Variants in TARP observed in about 807,000 individuals in gnomAD.
the TARP span, among the ~76,000 whole-genome samples, chr7:38,268,116 T>C: frequency 6.6e-6 from 1 of 151,654 alleles, no homozygotes; most frequent in South Asian, 2.1e-4. Flanking sequence ...ATACTACTTT[T>C]AAAATGTACA....
the TARP span, among the ~76,000 whole-genome samples, chr7:38,269,006 A>G: frequency 6.6e-6 from 1 of 151,618 alleles, no homozygotes; most frequent in South Asian, 2.1e-4. Flanking sequence ...CTGTTATCCC[A>G]TTTTATGGAT....
chr7:38,264,378 G>A, the TARP span, among the ~76,000 whole-genome samples: 1 of 151,494 alleles, frequency 6.6e-6, no homozygotes, highest in Non-Finnish European at 1.5e-5. Flanking sequence ...ATCACTTGAG[G>A]TCAGGAATTT....
chr7:38,271,819 A>G, the TARP span, among the ~76,000 whole-genome samples: 5 of 151,212 alleles, frequency 3.3e-5, no homozygotes, highest in Admixed American at 3.3e-4. Flanking sequence ...TCAAAACAAA[A>G]GTTTTAATGA....
the TARP span, among the ~76,000 whole-genome samples, chr7:38,264,073 G>C: frequency 5.9e-5 from 9 of 151,778 alleles, no homozygotes; most frequent in African/African-American, 2.2e-4. Context: ...TGTATCCTGA[G>C]TTCTCTCTCT....
the TARP span, among the ~76,000 whole-genome samples, chr7:38,273,251 T>C: frequency 6.0e-5 from 9 of 151,224 alleles, no homozygotes; most frequent in Admixed American, 1.3e-4. Context: ...TTTTACTTTT[T>C]TTTTTTTTAA....
chr7:38,267,550 C>T, the TARP span, among the ~76,000 whole-genome samples: 2 of 150,490 alleles, frequency 1.3e-5, no homozygotes, highest in Non-Finnish European at 3.0e-5. Flanking sequence ...GATTTTCATA[C>T]AAAATTAGTA....
At chr7:38,260,659 G>C in the TARP span, among the ~76,000 whole-genome samples, 1 of 151,776 alleles carries the variant, frequency 6.6e-6, no homozygotes, top group African/African-American at 2.4e-5. Flanking sequence ...AAAGACAGTG[G>C]GGGTGGACCA....
the TARP span, among the ~76,000 whole-genome samples, chr7:38,272,453 T>G: frequency 6.9e-6 from 1 of 144,272 alleles, no homozygotes. Context: ...AAAAGAATGT[T>G]TATGAAGCAG....
chr7:38,273,599 G>T, the TARP span: 1 of 1,597,816 alleles, frequency 6.3e-7, no homozygotes, highest in Non-Finnish European at 8.5e-7. Flanking sequence ...GTAATGATAA[G>T]CTTTGTTCCG....
the TARP span, among the ~76,000 whole-genome samples, chr7:38,269,326 G>A: frequency 5.3e-5 from 8 of 151,892 alleles, no homozygotes; most frequent in South Asian, 1.2e-3. Flanking sequence ...TGTTATCTAT[G>A]TTCTCTTTTA....
chr7:38,262,131 A>C, the TARP span: 1 of 1,576,510 alleles, frequency 6.3e-7, no homozygotes, highest in Non-Finnish European at 8.7e-7. Context: ...GAAGTTCAAA[A>C]CAAAATGATC....
chr7:38,265,649 T>TG, the TARP span: 1 of 1,606,510 alleles, frequency 6.2e-7, no homozygotes, highest in Non-Finnish European at 8.5e-7. Flanking sequence ...ATAGTGGGCT[T>TG]GGGGGAAACA....
chr7:38,261,066 T>G, the TARP span, among the ~76,000 whole-genome samples: 3 of 151,820 alleles, frequency 2.0e-5, no homozygotes, highest in Admixed American at 6.6e-5. Context: ...GAATCTGGTG[T>G]AATTATTCTT....
the TARP span, chr7:38,262,249 T>C: frequency 6.6e-7 from 1 of 1,512,194 alleles, no homozygotes. Context: ...ACTAGTCAAT[T>C]GTTCGTGTGT....
At chr7:38,266,317 T>C in the TARP span, among the ~76,000 whole-genome samples, 5 of 150,874 alleles carry the variant, frequency 3.3e-5, no homozygotes, top group African/African-American at 1.2e-4. Flanking sequence ...AAAATTTTTG[T>C]TGTTGTTGAG....
chr7:38,266,402 G>T, the TARP span, among the ~76,000 whole-genome samples: 8 of 151,832 alleles, frequency 5.3e-5, no homozygotes, highest in South Asian at 1.7e-3. Context: ...GACTTCCCAG[G>T]CTCAAGTGAT....
the TARP span, among the ~76,000 whole-genome samples, chr7:38,260,854 C>T: frequency 6.6e-6 from 1 of 151,752 alleles, no homozygotes; most frequent in Admixed American, 6.6e-5. Flanking sequence ...CCCTCCTTGC[C>T]TGGTGTGGCA....
the TARP span, among the ~76,000 whole-genome samples, chr7:38,268,688 CAAT>C: frequency 6.6e-6 from 1 of 151,562 alleles, no homozygotes; most frequent in African/African-American, 2.4e-5. Flanking sequence ...CATCTTAATA[CAAT>C]GTTTTTGCCA....
the TARP span, among the ~76,000 whole-genome samples, chr7:38,273,080 TAAAC>T: frequency 1.3e-5 from 2 of 151,078 alleles, no homozygotes; most frequent in African/African-American, 4.9e-5. Flanking sequence ...TAACAAATAA[TAAAC>T]AAACTCATTG....
Sources: gnomAD v4.1 joint callset for allele counts (sites outside exome capture counted in the v4.1 genomes callset) on GRCh38, gnomAD v4.1.1 for gene constraint, MANE v1.5 for transcripts.